The following KDM4B variants were observed in gnomAD, a reference collection of about 807,000 sequenced individuals.
KDM4B encodes lysine-specific demethylase 4B.
KDM4B carries 32 observed loss-of-function variants against 125.2 expected under a neutral mutation model. The observed-to-expected ratio is 0.26, with a 90% CI of 0.19 to 0.34. The LOEUF (loss-of-function observed/expected upper bound fraction) is 0.34, where lower values mean the gene tolerates loss of function less well. Ranked by LOEUF, KDM4B falls within the 10% of genes least tolerant of loss-of-function variation. KDM4B has a pLI of 1.00. For missense variants in KDM4B, 1,190 were observed against 1,577.7 expected, an observed-to-expected ratio of 0.75 and a Z score of 4.16; for synonymous variants, 721 against 677.9, an observed-to-expected ratio of 1.06 and a Z score of -0.99.
chr19:5,029,280 G>A (rs1370689467), intron 2 of KDM4B, among the ~76,000 whole-genome samples: 2 of 152,146 alleles, frequency 1.3e-5, no homozygotes, highest in South Asian at 2.1e-4. Context: ...TTGGCGTGGC[G>A]CCGTTGTGAG....
intron 1 of KDM4B, among the ~76,000 whole-genome samples, chr19:5,006,436 TG>T (rs993634988): frequency 4.6e-5 from 7 of 152,168 alleles, no homozygotes; most frequent in Admixed American, 3.9e-4. Context: ...CTGCCCTGGC[TG>T]GGGTTTTATC....
Position 5,114,087 on chromosome 19 carries a change from C to T in KDM4B, c.1115+3269C>T. 1.6e-6 allele frequency: 2 copies of T among 1,289,478 alleles called. No individual in the cohort carries two copies. The highest frequency in any genetic ancestry group is 2.0e-6 in the Non-Finnish European group (2 of 988,732). 79.9% of individuals were successfully genotyped at this position (1,289,478 alleles called of 1,614,324 possible). ...CTCCTGGCGGGTGCCCTCAGCCTCCCCACTCCCGGTGGCGCTGTGCGTTCT... is the reference window on the plus strand; with the variant it reads ...CTCCTGGCGGGTGCCCTCAGCCTCCTCACTCCCGGTGGCGCTGTGCGTTCT... On this transcript the variant is annotated intron_variant, in intron 10 of 22. Coordinates refer to ENST00000159111, the MANE Select transcript of KDM4B (RefSeq NM_015015.3). This position sits in a 1 kb window ranked among gnomAD's most constrained non-coding sequence, Gnocchi z 5.8.
intron 2 of KDM4B, among the ~76,000 whole-genome samples, chr19:5,020,677 C>T (rs965817820): frequency 6.6e-6 from 1 of 152,210 alleles, no homozygotes; most frequent in African/African-American, 2.4e-5. Context: ...GCTTCCCGTG[C>T]CTCGGCTGTT....
At chr19:5,119,318 C>CG in intron 10 of KDM4B, 1 of 866,524 alleles carries the variant, frequency 1.2e-6, no homozygotes, top group South Asian at 1.6e-5. Flanking sequence ...CCGTGGCACA[C>CG]GCGGCTCCTG....
intron 3 of KDM4B, among the ~76,000 whole-genome samples, chr19:5,037,072 A>G (rs10419990): frequency 0.57 from 87,454 of 152,132 alleles, 26,362 homozygotes; most frequent in Middle Eastern, 0.67. Flanking sequence ...GCGTTCTTTC[A>G]AGAGCAGAGG....
intron 7 of KDM4B, 116 bp from the exon 8 acceptor site, chr19:5,077,251 C>T: frequency 2.4e-6 from 2 of 829,622 alleles, no homozygotes; most frequent in East Asian, 2.4e-5. Flanking sequence ...GTGCTCTGTG[C>T]TCCCACACGC....
At chr19:5,012,734 A>C (rs915401642) in intron 1 of KDM4B, among the ~76,000 whole-genome samples, 1 of 152,112 alleles carries the variant, frequency 6.6e-6, no homozygotes, top group South Asian at 2.1e-4. Flanking sequence ...CATCCCGGTG[A>C]GCGTCAGGAC....
In KDM4B at chr19:5,117,428, C is replaced by G. The variant is rs547412849; in HGVS notation, c.1116-2225C>G. On this transcript the variant is annotated intron_variant, in intron 10 of 22. Transcript: ENST00000159111. The stretch of plus-strand genomic sequence containing the variant: ...GAGGGCGCCCTTCTGCTGGTGCTGT[C>G]TGGGACCAGGGCGGGTCCACTGTGG... Among the ~76,000 whole-genome samples the G allele has an allele frequency of 1.2e-3, 182 of 152,242 alleles. 1 individual carries two copies. Among genetic ancestry groups the G allele is most frequent in the Admixed American group, 2.6e-3 (40 of 15,300 alleles).
intron 10 of KDM4B, chr19:5,111,818 T>C: frequency 1.3e-6 from 1 of 765,170 alleles, no homozygotes; most frequent in Non-Finnish European, 2.4e-6. Flanking sequence ...GCATGGCAAC[T>C]CAAGACCCTT....
At chr19:5,044,460 G>A (rs1437043563) in intron 5 of KDM4B, among the ~76,000 whole-genome samples, 1 of 152,202 alleles carries the variant, frequency 6.6e-6, no homozygotes, top group Non-Finnish European at 1.5e-5. Context: ...ATCCCGCGCA[G>A]TGTTGATCAG....
At chr19:5,004,547 G>A (rs1327716316) in intron 1 of KDM4B, among the ~76,000 whole-genome samples, 2 of 152,206 alleles carry the variant, frequency 1.3e-5, no homozygotes, top group African/African-American at 4.8e-5. Context: ...ACGCTCGGCA[G>A]TGTCTAGACA....
Position 5,114,419 on chromosome 19 carries a change from TCCTGCCAGG to T in KDM4B, c.1115+3602_1115+3610del, listed in dbSNP as rs2039216227. 2.3e-6 allele frequency: 1 copy of T among 434,452 alleles called. No homozygotes were observed. The highest frequency in any genetic ancestry group is 4.5e-6 in the Non-Finnish European group (1 of 220,640). The allele number at this position is 434,452 out of a possible 1,614,324, so 26.9% of individuals were successfully genotyped here. A position where few individuals can be genotyped will look rare whatever the true frequency, so the allele number is the denominator to read the frequency against. On this transcript the variant is annotated intron_variant, in intron 10 of 22. Transcript: ENST00000159111. This position sits in a 1 kb window ranked among gnomAD's most constrained non-coding sequence, Gnocchi z 5.8. ...ACACCGCCACGCCTCTGGCCCCGAC[TCCTGCCAGG>T]GCTGCCACGGCTGCCACACCCCAGC...
intron 1 of KDM4B, among the ~76,000 whole-genome samples, chr19:5,014,402 G>A (rs1299927245): frequency 1.3e-5 from 2 of 152,050 alleles, no homozygotes; most frequent in East Asian, 1.9e-4. Context: ...TCAGCCTCCC[G>A]AGTAGCTGGG....
chr19:5,147,742 C>CA (rs35330966), intron 21 of KDM4B, among the ~76,000 whole-genome samples: 27,553 of 80,720 alleles, frequency 0.34, 3,719 homozygotes, highest in African/African-American at 0.37. Context: ...AGCCCTGTCT[C>CA]AAAAAAAAAA....
At chr19:5,073,031 G>A (rs2037997064) in intron 7 of KDM4B, among the ~76,000 whole-genome samples, 1 of 152,124 alleles carries the variant, frequency 6.6e-6, no homozygotes, top group South Asian at 2.1e-4. Context: ...CCTCTGCCTC[G>A]CTGTTCTGAG....
At chr19:5,098,596 G>T (rs1248255253) in intron 9 of KDM4B, among the ~76,000 whole-genome samples, 30 of 152,174 alleles carry the variant, frequency 2.0e-4, no homozygotes. Context: ...TGGACTGAAG[G>T]TCTGTGTCCC....
intron 11 of KDM4B, among the ~76,000 whole-genome samples, chr19:5,130,482 G>A (rs1433255310): frequency 1.1e-4 from 16 of 152,174 alleles, no homozygotes; most frequent in Admixed American, 1.0e-3. Flanking sequence ...GAAGGGTGTC[G>A]GGCCCCACAG....
intron 13 of KDM4B, among the ~76,000 whole-genome samples, chr19:5,132,438 C>T (rs1425413047): frequency 6.6e-6 from 1 of 152,170 alleles, no homozygotes; most frequent in Non-Finnish European, 1.5e-5. Context: ...AGAAGTCCTG[C>T]TAAGCCAGTT....
intron 9 of KDM4B, among the ~76,000 whole-genome samples, chr19:5,091,498 C>G (rs1340226083): frequency 6.6e-6 from 1 of 152,140 alleles, no homozygotes; most frequent in Non-Finnish European, 1.5e-5. Flanking sequence ...AAACGGCCCA[C>G]TCGGCACCAC....
Sources: gnomAD v4.1 joint callset for allele counts (sites outside exome capture counted in the v4.1 genomes callset) on GRCh38, gnomAD v4.1.1 for gene constraint, Gnocchi (gnomAD v3.1) non-coding constraint, MANE v1.5 for transcripts, NCBI Gene and HGNC (gene_info 2026-07-23, HGNC 2026-07-21) for gene names.